DST: variants seen among roughly 807,000 people sequenced by gnomAD.
The protein encoded by DST is bullous pemphigoid antigen.
In DST, 253 loss-of-function variants were observed where a neutral mutation model predicts 875.2. The observed-to-expected ratio is 0.29, with a 90% CI of 0.26 to 0.32. The LOEUF (loss-of-function observed/expected upper bound fraction) is 0.32, where lower values mean the gene tolerates loss of function less well. DST is among the 10% of genes least tolerant of loss of function. The pLI is 1.00. For missense variants in DST, 8,287 were observed against 9,111.6 expected (o/e 0.91, Z 3.68); for synonymous variants, 3,124 against 3,197.1 (o/e 0.98, Z 0.77).
At chr6:56,944,719 A>C (rs1309978700) in intron 2 of DST, among the ~76,000 whole-genome samples, 1 of 152,168 alleles carries the variant, frequency 6.6e-6, no homozygotes, top group Non-Finnish European at 1.5e-5. Context: ...CTACTGAAGG[A>C]TTTTAAGTAG....
rs762596091 is a variant in DST at position 56,639,986 on chromosome 6, A to G, written c.2562T>C (p.Asn854=). The change falls in exon 19 of 104, where the codon AAT becomes AAC. Residue 854 remains asparagine (N), a synonymous_variant. Transcript: ENST00000680361. Reference sequence around the variant, plus strand: ...CAAATTCTTCAATAGCTCTATGAACATTTTTATGATTTTCTAAATGGCTTT... The same window carrying G: ...CAAATTCTTCAATAGCTCTATGAACGTTTTTATGATTTTCTAAATGGCTTT... ...SVESHLENHK[N]VHRAIEEFES... is the part of the protein sequence containing the mutation. 2 of 1,613,898 alleles carry G rather than the reference A, an allele frequency of 1.2e-6. No individual in the cohort carries two copies. Among genetic ancestry groups the G allele is most frequent in the South Asian group, 1.1e-5 (1 of 91,082 alleles).
Position 56,471,832 on chromosome 6 carries a change from AT to A in DST, c.22158+226del, listed in dbSNP as rs199560087. The A allele has an allele frequency of 7.4e-5, 42 of 567,130 alleles. No homozygotes were observed. The Middle Eastern group carries it at 1.1e-3, about 15-fold the overall frequency. 35.1% of individuals were successfully genotyped at this position (567,130 alleles called of 1,614,324 possible). On this transcript the variant is annotated intron_variant, in intron 94 of 103. Transcript: ENST00000680361. ...AGCTTCTGATTGTTAAAACATAATC[AT>A]TTTTTTTACTTCATTGATTCCCTAA...
At chr6:56,654,846 G>A (rs1196393163) in intron 10 of DST, among the ~76,000 whole-genome samples, 2 of 152,012 alleles carry the variant, frequency 1.3e-5, no homozygotes, top group Non-Finnish European at 2.9e-5. Flanking sequence ...AGGAACATAT[G>A]ACTTCTACAG....
At chr6:56,555,944 T>C (rs1470877715) in intron 59 of DST, 104 bp from the exon 60 acceptor site, 1 of 1,269,126 alleles carries the variant, frequency 7.9e-7, no homozygotes, top group Non-Finnish European at 1.0e-6. Context: ...TTCTCCAGTT[T>C]TTGTTTTTTA....
chr6:56,787,171 A>T (rs534866742), intron 4 of DST, among the ~76,000 whole-genome samples: 4 of 152,224 alleles, frequency 2.6e-5, no homozygotes, highest in Non-Finnish European at 5.9e-5. Flanking sequence ...ACTGAGAACC[A>T]CTGAGGGAAT....
intron 2 of DST, among the ~76,000 whole-genome samples, chr6:56,928,979 A>G (rs1190704786): frequency 1.3e-5 from 2 of 152,174 alleles, no homozygotes; most frequent in Non-Finnish European, 2.9e-5. Context: ...TCCTTTAATA[A>G]AATTCACATT....
At chr6:56,833,038 CTTA>C (rs2099789173) in intron 4 of DST, among the ~76,000 whole-genome samples, 1 of 152,160 alleles carries the variant, frequency 6.6e-6, no homozygotes, top group Non-Finnish European at 1.5e-5. Flanking sequence ...CATGCCCTGA[CTTA>C]TTTTCAACAT....
intron 61 of DST, among the ~76,000 whole-genome samples, chr6:56,538,559 A>G (rs1451770247): frequency 6.6e-6 from 1 of 152,204 alleles, no homozygotes; most frequent in Non-Finnish European, 1.5e-5. Context: ...TAGAGGCTGC[A>G]GGAGACAAAT....
intron 83 of DST, among the ~76,000 whole-genome samples, chr6:56,493,709 G>A (rs2095825358): frequency 6.6e-6 from 1 of 151,822 alleles, no homozygotes; most frequent in African/African-American, 2.4e-5. Flanking sequence ...GATTAAAATA[G>A]AATTAATTAT....
At chr6:56,602,788 G>T in intron 43 of DST, 94 bp downstream of exon 43, 1 of 942,760 alleles carries the variant, frequency 1.1e-6, no homozygotes, top group Non-Finnish European at 1.5e-6. Flanking sequence ...ATAATCCTTT[G>T]TAGCCTTAGC....
intron 62 of DST, among the ~76,000 whole-genome samples, chr6:56,536,457 G>T (rs935607049): frequency 6.6e-5 from 10 of 152,296 alleles, no homozygotes; most frequent in African/African-American, 2.4e-4. Flanking sequence ...ACATGTCAAT[G>T]ATCTTCTGGA....
chr6:56,459,130 C>G lies in DST; in HGVS notation c.23332G>C (p.Val7778Leu). 6.2e-7 allele frequency: 1 copy of G among 1,613,222 alleles called. No homozygotes were observed. Among genetic ancestry groups the G allele is most frequent in the Non-Finnish European group, 8.5e-7 (1 of 1,179,636 alleles). ...GGTGTAGGTCTGTGTGTCTGGGGGA[C>G]AGTTTCCACATCTGAGCACACGGAC... ...IQSVCSDVET[V>L]PQTHRPTPRA... Residue 7778 changes from valine to leucine, a missense_variant, in exon 104 of 104, where the codon GTC becomes CTC. Physicochemically the swap from Val to Leu is conservative, Grantham distance 32. Transcript: ENST00000680361.
At chr6:56,828,294 T>C (rs879686595) in intron 4 of DST, among the ~76,000 whole-genome samples, 2 of 152,220 alleles carry the variant, frequency 1.3e-5, no homozygotes, top group Non-Finnish European at 1.5e-5. Flanking sequence ...AATATTTTAG[T>C]TCCATGTTAT....
At chr6:56,886,928 TAAAG>T (rs1299660826) in intron 3 of DST, among the ~76,000 whole-genome samples, 1 of 151,854 alleles carries the variant, frequency 6.6e-6, no homozygotes, top group Non-Finnish European at 1.5e-5. Flanking sequence ...AATAAATAAA[TAAAG>T]AGAGAGAGAC....
intron 4 of DST, among the ~76,000 whole-genome samples, chr6:56,802,301 TC>T (rs1281858518): frequency 1.3e-5 from 2 of 152,252 alleles, no homozygotes; most frequent in African/African-American, 4.8e-5. Flanking sequence ...TTTTCTTAGC[TC>T]TATGAATTTA....
chr6:56,750,457 A>G (rs1201541971), intron 4 of DST, among the ~76,000 whole-genome samples: 1 of 152,188 alleles, frequency 6.6e-6, no homozygotes, highest in Non-Finnish European at 1.5e-5. Context: ...CTCCTTACAG[A>G]CATTTTAAAA....
intron 3 of DST, among the ~76,000 whole-genome samples, chr6:56,879,068 C>T (rs1383188222): frequency 6.6e-6 from 1 of 152,130 alleles, no homozygotes; most frequent in Admixed American, 6.5e-5. Context: ...TCTTTGCACT[C>T]GAATCAATAA....
intron 49 of DST, among the ~76,000 whole-genome samples, chr6:56,579,684 G>A (rs1009424642): frequency 6.6e-6 from 1 of 152,094 alleles, no homozygotes; most frequent in Admixed American, 6.6e-5. Flanking sequence ...ACAAAGATGA[G>A]GACAGAAGAA....
intron 36 of DST, among the ~76,000 whole-genome samples, chr6:56,623,423 G>C (rs528640049): frequency 9.8e-4 from 149 of 152,292 alleles, no homozygotes; most frequent in South Asian, 8.7e-3. Flanking sequence ...AGAGATGCAT[G>C]CATTTAAGAT....
Sources: gnomAD v4.1 joint callset for allele counts (sites outside exome capture counted in the v4.1 genomes callset) on GRCh38, gnomAD v4.1.1 for gene constraint, MANE v1.5 for transcripts, NCBI Gene and HGNC (gene_info 2026-07-23, HGNC 2026-07-21) for gene names.